ECE1: variants seen among roughly 807,000 people sequenced by gnomAD.
ECE1 encodes endothelin converting enzyme 1, also known as endothelin-converting enzyme 1.
ECE1 carries 35 observed loss-of-function variants against 98.6 expected under a neutral mutation model. The ratio of observed to expected loss-of-function variants is 0.35; its 90% CI spans 0.27 to 0.47. The LOEUF (loss-of-function observed/expected upper bound fraction) is 0.47, where lower values mean the gene tolerates loss of function less well. ECE1 is among the 20% of genes least tolerant of loss of function. The pLI, the probability that ECE1 is intolerant of heterozygous loss-of-function variation, is 1.00. For missense variants in ECE1, 814 were observed against 1,025.3 expected (o/e 0.79, Z 2.81); for synonymous variants, 394 against 407.1 (o/e 0.97, Z 0.39).
intron 4 of ECE1, among the ~76,000 whole-genome samples, chr1:21,261,763 C>T (rs949087776): frequency 2.6e-5 from 4 of 152,140 alleles, no homozygotes; most frequent in East Asian, 1.9e-4. Flanking sequence ...TCACTCCCTT[C>T]GGAGGGGTGG....
At chr1:21,291,839 C>G (rs1481794963), upstream of ECE1, among the ~76,000 whole-genome samples, 1 of 151,590 alleles carries the variant, frequency 6.6e-6, no homozygotes, top group Non-Finnish European at 1.5e-5. Flanking sequence ...ACAAACAAAC[C>G]ACAGAAATCT....
Position 21,345,365 on chromosome 1 carries a change from G to A in ECE1, c.3+11C>T. On this transcript the variant is annotated intron_variant, in intron 1 of 18. Coordinates refer to the ECE1 transcript ENST00000415912. The surrounding 1 kb of genome is among the most constrained non-coding windows in gnomAD (Gnocchi z 5.1). The stretch of plus-strand genomic sequence containing the variant: ...GCTGGACCGGACCAGACCTCCGCGC[G>A]CAGCACTCACCATAGCTCGCGTGCT... 1.5e-6 allele frequency: 2 copies of A among 1,357,486 alleles called. No homozygotes were observed. The highest frequency in any genetic ancestry group is 3.3e-5 in the East Asian group (1 of 30,298). The allele number at this position is 1,357,486 out of a possible 1,614,324, so 84.1% of individuals were successfully genotyped here.
At chr1:21,240,872 C>G (rs1462116038) in intron 10 of ECE1, among the ~76,000 whole-genome samples, 1 of 152,260 alleles carries the variant, frequency 6.6e-6, no homozygotes, top group Non-Finnish European at 1.5e-5. Flanking sequence ...TCTGGAGATT[C>G]TCTGGATAAA....
At chr1:21,306,422 C>T (rs768653100) in intron 1 of ECE1, among the ~76,000 whole-genome samples, 4 of 151,802 alleles carry the variant, frequency 2.6e-5, no homozygotes, top group Non-Finnish European at 1.5e-5. Context: ...CTGCAACCTC[C>T]GCCTCCTGGG....
At chr1:21,268,264 G>A (rs1210453312) in intron 4 of ECE1, among the ~76,000 whole-genome samples, 1 of 152,190 alleles carries the variant, frequency 6.6e-6, no homozygotes, top group Admixed American at 6.5e-5. Context: ...CCAAGTCTAA[G>A]GGCTGAAGGG....
rs900321646 is a variant in ECE1 at position 21,255,972 on chromosome 1, T to C, written c.995A>G (p.His332Arg). Residue 332 changes from histidine to arginine, a missense_variant, in exon 8 of 19, where the codon CAC (histidine) becomes CGC (arginine). By Grantham distance (29) the His-to-Arg change is conservative. Around this residue, in one of 3 missense-constraint regions of ECE1, gnomAD observed 105 missense variants for 179.1 expected, o/e 0.59. Coordinates refer to ENST00000374893, the MANE Select transcript of ECE1 (RefSeq NM_001397.3). ...CTGCAGCTCGGCTGCCGTCACTTTG[T>C]GGTAGATGAGCTCCTCATCACGGCG... is the stretch of plus-strand genomic sequence containing the variant. ...EKRRDEELIY[H>R]KVTAAELQTL... 5 of 1,614,070 alleles carry C rather than the reference T, an allele frequency of 3.1e-6. No individual in the cohort carries two copies. In the African/African-American group the frequency reaches 5.3e-5, roughly 17 times the overall value.
At position 21,238,188 on chromosome 1, in the gene ECE1, A is replaced by G; in HGVS notation, c.1335T>C (p.Phe445=). 6.2e-7 allele frequency: 1 copy of G among 1,614,240 alleles called. No homozygotes were observed. Among genetic ancestry groups the G allele is most frequent in the Non-Finnish European group, 8.5e-7 (1 of 1,180,042 alleles). The change falls in exon 11 of 19, where the codon TTT becomes TTC. Residue 445 remains phenylalanine, a synonymous_variant. Coordinates refer to ENST00000374893, the MANE Select transcript of ECE1 (RefSeq NM_001397.3). ...CVSDTENNLG[F]ALGPMFVKAT... ...CTTTGACAAACATGGGGCCCAACGCAAAGCCCAGGTTGTTTTCTGTGTCAC... is the reference window on the plus strand; with the variant it reads ...CTTTGACAAACATGGGGCCCAACGCGAAGCCCAGGTTGTTTTCTGTGTCAC...
At chr1:21,251,045 G>A (rs541864133) in intron 8 of ECE1, among the ~76,000 whole-genome samples, 1 of 152,050 alleles carries the variant, frequency 6.6e-6, no homozygotes, top group South Asian at 2.1e-4. Flanking sequence ...GATGGGGTAA[G>A]GTGACTTTCC....
At chr1:21,244,539 C>A (rs942256582) in intron 10 of ECE1, among the ~76,000 whole-genome samples, 1 of 152,138 alleles carries the variant, frequency 6.6e-6, no homozygotes, top group Non-Finnish European at 1.5e-5. Flanking sequence ...ACCCTCAGGG[C>A]TCCTGGCAGG....
chr1:21,338,856 C>T (rs1639350055), intron 1 of ECE1, among the ~76,000 whole-genome samples: 1 of 152,198 alleles, frequency 6.6e-6, no homozygotes, highest in African/African-American at 2.4e-5. Context: ...TAAATATTGA[C>T]ATGACTGTGT....
chr1:21,229,590 A>G (rs1229364606), intron 14 of ECE1, among the ~76,000 whole-genome samples: 2 of 152,224 alleles, frequency 1.3e-5, no homozygotes, highest in African/African-American at 2.4e-5. Flanking sequence ...AAAATGTTGA[A>G]GTTTCAGGCT....
chr1:21,320,179 A>G (rs1219719821), intron 1 of ECE1, among the ~76,000 whole-genome samples: 3 of 152,164 alleles, frequency 2.0e-5, no homozygotes, highest in Non-Finnish European at 4.4e-5. Flanking sequence ...ATTCTGTTTG[A>G]GGTTTGCTGC....
At position 21,258,965 on chromosome 1, in the gene ECE1, A is replaced by G; in HGVS notation, c.616-126T>C. The G allele has an allele frequency of 2.2e-6, 3 of 1,337,680 alleles. No homozygotes were observed. Among genetic ancestry groups the G allele is most frequent in the African/African-American group, 1.5e-5 (1 of 68,828 alleles). The allele number at this position is 1,337,680 out of a possible 1,614,324, so 82.9% of individuals were successfully genotyped here. ...TCGCCTGACCTCTCTGAGCCTCAAG[A>G]GCAAAGGAAAGGATTGGTCTTCATC... is the stretch of plus-strand genomic sequence containing the variant. On this transcript the variant is annotated intron_variant, in intron 5 of 18. Transcript: ENST00000374893. The surrounding 1 kb of genome is among the most constrained non-coding windows in gnomAD (Gnocchi z 4.2).
At chr1:21,284,988 GAAAGTTCCCC>G (rs1433840059) in intron 2 of ECE1, among the ~76,000 whole-genome samples, 1 of 152,120 alleles carries the variant, frequency 6.6e-6, no homozygotes, top group Non-Finnish European at 1.5e-5. Context: ...CCCTGCCTCC[GAAAGTTCCCC>G]AAAGTCAGTT....
rs529882908 is a variant in ECE1, at chr1:21,233,714, T to G, written c.1567-53A>C. ...CAGTGTGCCCTCGGTGGTGTGCATC[T>G]TCCAAGACAGGAAGCCAAGGGCTGT... is the stretch of plus-strand genomic sequence containing the variant. On this transcript the variant is annotated intron_variant, in intron 13 of 18. Coordinates refer to ENST00000374893, the MANE Select transcript of ECE1 (RefSeq NM_001397.3). This position sits in a 1 kb window ranked among gnomAD's most constrained non-coding sequence, Gnocchi z 4.0. 1.9e-6 allele frequency: 3 copies of G among 1,552,550 alleles called. No homozygotes were observed. The African/African-American group carries it at 4.1e-5, about 21-fold the overall frequency.
At chr1:21,246,310 G>A (rs2098203433) in intron 9 of ECE1, among the ~76,000 whole-genome samples, 1 of 151,616 alleles carries the variant, frequency 6.6e-6, no homozygotes, top group South Asian at 2.1e-4. Flanking sequence ...GACCAGCCTG[G>A]CAAACATGGT....
At chr1:21,254,407 G>A (rs546875898) in intron 8 of ECE1, among the ~76,000 whole-genome samples, 1 of 152,180 alleles carries the variant, frequency 6.6e-6, no homozygotes, top group East Asian at 1.9e-4. Flanking sequence ...ACTACAAGCT[G>A]CTGAGTCTGC....
At chr1:21,301,289 T>C (rs931840940) in intron 1 of ECE1, among the ~76,000 whole-genome samples, 8 of 150,318 alleles carry the variant, frequency 5.3e-5, no homozygotes, top group Non-Finnish European at 8.9e-5. Context: ...GGTCAGGAGA[T>C]AGAGACCATC....
At chr1:21,338,682 C>T (rs554304447) in intron 1 of ECE1, among the ~76,000 whole-genome samples, 6 of 152,340 alleles carry the variant, frequency 3.9e-5, no homozygotes, top group African/African-American at 1.2e-4. Flanking sequence ...GAAGGAAGAC[C>T]GTGGTTCAGG....
Sources: gnomAD v4.1 joint callset for allele counts (sites outside exome capture counted in the v4.1 genomes callset) on GRCh38, gnomAD v4.1.1 for gene constraint, gnomAD v4.1.1 regional missense constraint, Gnocchi (gnomAD v3.1) non-coding constraint, MANE v1.5 for transcripts, NCBI Gene and HGNC (gene_info 2026-07-23, HGNC 2026-07-21) for gene names.